DSCAM: variants seen among roughly 807,000 people sequenced by gnomAD.
DSCAM encodes cell adhesion molecule DSCAM.
DSCAM carries 47 observed loss-of-function variants against 217.7 expected under a neutral mutation model. The observed-to-expected ratio is 0.22, with a 90% CI of 0.17 to 0.28. The LOEUF (loss-of-function observed/expected upper bound fraction) is 0.28. Ranked by LOEUF, DSCAM falls within the 10% of genes least tolerant of loss-of-function variation. The probability of loss-of-function intolerance (pLI) is 1.00; values close to 1 mark genes in which losing one functional copy is unlikely to be tolerated. For missense variants in DSCAM, 2,080 were observed against 2,618.3 expected (o/e 0.79, Z 4.49); for synonymous variants, 1,056 against 1,015.3 (o/e 1.04, Z -0.76).
At position 40,097,940 on chromosome 21, in the gene DSCAM, C is replaced by CAAAAAAAA. The variant is rs1311731207; in HGVS notation, c.3697-4074_3697-4067dup. ...TGGGTGACAGAGTGAGACTCTGTCT[C>CAAAAAAAA]AAAAAAAAAAAAAAAAAGAAAGAAA... On this transcript the variant is annotated intron_variant, in intron 20 of 32. Coordinates refer to ENST00000400454, the MANE Select transcript of DSCAM (RefSeq NM_001389.5). Among the ~76,000 whole-genome samples, 7 of 10,094 alleles carry CAAAAAAAA rather than the reference C, an allele frequency of 6.9e-4. 1 individual carries two copies. In the East Asian group the frequency reaches 0.013, roughly 19 times the overall value. The allele number at this position is 10,094 out of a possible 152,430, so 6.6% of individuals were successfully genotyped here. A position where few individuals can be genotyped will look rare whatever the true frequency, so the allele number is the denominator to read the frequency against.
intron 18 of DSCAM, among the ~76,000 whole-genome samples, chr21:40,136,292 T>C (rs2090208358): frequency 6.6e-6 from 1 of 152,220 alleles, no homozygotes; most frequent in East Asian, 1.9e-4. Context: ...CCTGAATATA[T>C]TTAACATAAG....
chr21:40,524,383 T>C (rs1045149896), intron 3 of DSCAM, among the ~76,000 whole-genome samples: 1 of 152,178 alleles, frequency 6.6e-6, no homozygotes, highest in African/African-American at 2.4e-5. Flanking sequence ...ACTTGTCCTT[T>C]TTCTTTGCTT....
chr21:40,427,486 C>T (rs1218545820), intron 3 of DSCAM, among the ~76,000 whole-genome samples: 2 of 152,194 alleles, frequency 1.3e-5, no homozygotes, highest in Admixed American at 6.5e-5. Flanking sequence ...TTTTCAGAGT[C>T]TAGAAGGCTA....
intron 1 of DSCAM, among the ~76,000 whole-genome samples, chr21:40,710,370 C>T (rs1218151853): frequency 6.6e-6 from 1 of 152,142 alleles, no homozygotes; most frequent in African/African-American, 2.4e-5. Flanking sequence ...TTTACATTTC[C>T]CTTGTGGTCC....
chr21:40,271,257 T>C (rs1348710074), intron 11 of DSCAM, among the ~76,000 whole-genome samples: 1 of 152,168 alleles, frequency 6.6e-6, no homozygotes, highest in Non-Finnish European at 1.5e-5. Flanking sequence ...CTTTGGGAGC[T>C]TGGGGGTTCA....
intron 20 of DSCAM, among the ~76,000 whole-genome samples, chr21:40,117,930 A>G (rs1472637130): frequency 7.0e-6 from 1 of 143,008 alleles, no homozygotes; most frequent in Non-Finnish European, 1.5e-5. Flanking sequence ...GGAAAAGGTA[A>G]GAAAAACCCA....
chr21:40,056,353 T>A (rs1433953171), intron 28 of DSCAM, among the ~76,000 whole-genome samples: 1 of 152,220 alleles, frequency 6.6e-6, no homozygotes, highest in Non-Finnish European at 1.5e-5. Context: ...ACAAACCTTG[T>A]TAGCTTCCCT....
At chr21:40,841,672 C>T (rs940057060) in intron 1 of DSCAM, among the ~76,000 whole-genome samples, 1 of 152,094 alleles carries the variant, frequency 6.6e-6, no homozygotes, top group Non-Finnish European at 1.5e-5. Flanking sequence ...GCAGGAGAAG[C>T]GGCGGCTCCT....
At chr21:40,385,510 C>T (rs1412309647) in intron 3 of DSCAM, among the ~76,000 whole-genome samples, 5 of 152,214 alleles carry the variant, frequency 3.3e-5, no homozygotes, top group African/African-American at 7.2e-5. Context: ...CAAACTTTTA[C>T]AAGATTCCTC....
chr21:40,589,431 C>T (rs1220712425), intron 3 of DSCAM, among the ~76,000 whole-genome samples: 1 of 152,054 alleles, frequency 6.6e-6, no homozygotes, highest in African/African-American at 2.4e-5. Flanking sequence ...CAAACATTAG[C>T]TGGGTGTGGT....
At chr21:40,236,659 A>G (rs545139178) in intron 11 of DSCAM, among the ~76,000 whole-genome samples, 1 of 152,198 alleles carries the variant, frequency 6.6e-6, no homozygotes, top group African/African-American at 2.4e-5. Flanking sequence ...CCTAGGCATT[A>G]GTTCCCTCAT....
chr21:40,360,126 T>G (rs1218742151), intron 4 of DSCAM, among the ~76,000 whole-genome samples: 8 of 126,568 alleles, frequency 6.3e-5, no homozygotes, highest in Admixed American at 4.7e-4. Context: ...AGGTAGTCTT[T>G]TTTTTTTTTT....
intron 20 of DSCAM, among the ~76,000 whole-genome samples, chr21:40,104,893 G>A (rs567014919): frequency 6.6e-6 from 1 of 152,116 alleles, no homozygotes; most frequent in African/African-American, 2.4e-5. Flanking sequence ...AGGCATTTTA[G>A]CCTGTGGATA....
chr21:40,244,453 G>GAA (rs76692462), intron 11 of DSCAM, among the ~76,000 whole-genome samples: 11 of 99,876 alleles, frequency 1.1e-4, no homozygotes, highest in Admixed American at 1.1e-4. Flanking sequence ...TCCGTCTCCG[G>GAA]AAAAAAAAAA....
At chr21:40,124,100 A>G in intron 20 of DSCAM, 95 bp downstream of exon 20, 1 of 1,540,872 alleles carries the variant, frequency 6.5e-7, no homozygotes, top group Non-Finnish European at 8.9e-7. Flanking sequence ...AGACCCAGGT[A>G]GGTGGGAAAC....
At chr21:40,520,895 C>T (rs1007029541) in intron 3 of DSCAM, among the ~76,000 whole-genome samples, 1 of 152,142 alleles carries the variant, frequency 6.6e-6, no homozygotes, top group Non-Finnish European at 1.5e-5. Flanking sequence ...TGAGTTAGCA[C>T]ATGAGAATTG....
intron 11 of DSCAM, among the ~76,000 whole-genome samples, chr21:40,248,670 G>C (rs1361278439): frequency 6.6e-6 from 1 of 152,080 alleles, no homozygotes; most frequent in East Asian, 1.9e-4. Flanking sequence ...ATTCTTCTGA[G>C]CCCTCCAAAC....
At chr21:40,077,072 G>T (rs1349831149) in intron 26 of DSCAM, among the ~76,000 whole-genome samples, 1 of 152,182 alleles carries the variant, frequency 6.6e-6, no homozygotes, top group Non-Finnish European at 1.5e-5. Context: ...GAAGAGTGAG[G>T]GCTATAAAAT....
chr21:40,363,085 A>T (rs568128513), intron 4 of DSCAM, among the ~76,000 whole-genome samples: 172 of 152,122 alleles, frequency 1.1e-3, no homozygotes, highest in Non-Finnish European at 2.1e-3. Context: ...CACTCCTCCA[A>T]GAAGCCATGG....
Sources: gnomAD v4.1 joint callset for allele counts (sites outside exome capture counted in the v4.1 genomes callset) on GRCh38, gnomAD v4.1.1 for gene constraint, MANE v1.5 for transcripts, NCBI Gene and HGNC (gene_info 2026-07-23, HGNC 2026-07-21) for gene names.